The following ITSN2 variants were observed in gnomAD, a reference collection of about 807,000 sequenced individuals.
The protein encoded by ITSN2 is intersectin-2.
ITSN2 carries 156 observed loss-of-function variants against 243.7 expected under a neutral mutation model. The observed-to-expected ratio is 0.64, with a 90% CI of 0.56 to 0.73. ITSN2 has a LOEUF of 0.73. Ranked by LOEUF, ITSN2 falls within the 30% of genes least tolerant of loss-of-function variation. The pLI, the probability that ITSN2 is intolerant of heterozygous loss-of-function variation, is 0.00. For missense variants in ITSN2, 1,801 were observed against 1,996.1 expected (o/e 0.90, Z 1.86); for synonymous variants, 703 against 699.9 (o/e 1.00, Z -0.07).
chr2:24,301,127 A>G, intron 11 of ITSN2, 27 bp downstream of exon 11: 1 of 1,275,000 alleles, frequency 7.8e-7, no homozygotes, highest in Non-Finnish European at 1.1e-6. Context: ...CTCAGTATAA[A>G]TATACAACTT....
chr2:24,219,805 A>T (rs1049616923), intron 30 of ITSN2, among the ~76,000 whole-genome samples: 1 of 152,178 alleles, frequency 6.6e-6, no homozygotes, highest in Non-Finnish European at 1.5e-5. Flanking sequence ...AGCAGGGCTG[A>T]TCCTTGTAGG....
Position 24,310,304 on chromosome 2 carries a change from CAG to C in ITSN2, c.631_632del (p.Leu211AspfsTer2). On this transcript the variant is annotated frameshift_variant, in exon 7 of 40. Coordinates refer to ENST00000355123, the MANE Select transcript of ITSN2 (RefSeq NM_006277.3). LOFTEE classifies it high-confidence loss of function. ...GGASIQKAQS[L>X]IDLGSSSSTS... ...CATACCTACTAGATCCTAAATCAAT[CAG>C]AGACTGCGCTTTCTGTATACTAGCA... is the stretch of plus-strand genomic sequence containing the variant. 1.2e-6 allele frequency: 2 copies of C among 1,613,126 alleles called. No individual in the cohort carries two copies. Among genetic ancestry groups the C allele is most frequent in the Non-Finnish European group, 1.7e-6 (2 of 1,179,410 alleles).
At chr2:24,343,384 T>C (rs1574383108) in intron 1 of ITSN2, among the ~76,000 whole-genome samples, 1 of 152,172 alleles carries the variant, frequency 6.6e-6, no homozygotes, top group East Asian at 1.9e-4. Flanking sequence ...TTCTGCTTTT[T>C]TCATGTTACC....
intron 29 of ITSN2, among the ~76,000 whole-genome samples, chr2:24,223,026 C>T (rs999858071): frequency 2.6e-5 from 4 of 152,068 alleles, no homozygotes; most frequent in East Asian, 1.9e-4. Flanking sequence ...TCTCCCTCTC[C>T]GTTATTTAGG....
At chr2:24,301,054 C>A in intron 11 of ITSN2, 100 bp downstream of exon 11, 3 of 653,934 alleles carry the variant, frequency 4.6e-6, no homozygotes. Flanking sequence ...TATAGCACAT[C>A]AAATATTAAA....
At chr2:24,281,245 G>A (rs189226206) in intron 17 of ITSN2, among the ~76,000 whole-genome samples, 2 of 152,250 alleles carry the variant, frequency 1.3e-5, no homozygotes, top group African/African-American at 4.8e-5. Flanking sequence ...GGCCAGGCTG[G>A]TCTCAAACTA....
intron 5 of ITSN2, among the ~76,000 whole-genome samples, chr2:24,311,058 C>CTAA (rs1299599886): frequency 6.7e-6 from 1 of 148,504 alleles, no homozygotes; most frequent in African/African-American, 2.6e-5. Flanking sequence ...AGTTACTTGA[C>CTAA]TAATACACAC....
chr2:24,218,007 G>GA lies in ITSN2; in HGVS notation c.3705dup (p.Gln1236SerfsTer12). ...AAGCCTGACTCTGCCATGCGTTTCT[G>GA]AAAAACCTAAAGTCAAAACATAGAA... On this transcript the variant is annotated frameshift_variant, in exon 31 of 40. Coordinates refer to ENST00000355123, the MANE Select transcript of ITSN2 (RefSeq NM_006277.3). LOFTEE classifies it high-confidence loss of function. 2 of 1,612,940 alleles carry GA rather than the reference G, an allele frequency of 1.2e-6. No individual in the cohort carries two copies. The highest frequency in any genetic ancestry group is 2.7e-5 in the African/African-American group (2 of 75,034).
rs1214368754 is a variant in ITSN2 at position 24,312,388 on chromosome 2, T to C, written c.189-13A>G. 1 of 1,589,850 alleles carries C rather than the reference T, an allele frequency of 6.3e-7. No homozygotes were observed. Among genetic ancestry groups the C allele is most frequent in the East Asian group, 2.3e-5 (1 of 44,312 alleles). The stretch of plus-strand genomic sequence containing the variant: ...GTCTGATAAAGCCCTAAAAGGAGCA[T>C]GAGGTAGGTAGATTGCTATGTGGTG... On this transcript the variant is annotated splice_polypyrimidine_tract_variant and intron_variant, in intron 4 of 39. Coordinates refer to ENST00000355123, the MANE Select transcript of ITSN2 (RefSeq NM_006277.3).
At chr2:24,260,738 T>TC (rs1300675023) in intron 22 of ITSN2, among the ~76,000 whole-genome samples, 1 of 151,678 alleles carries the variant, frequency 6.6e-6, no homozygotes, top group East Asian at 1.9e-4. Flanking sequence ...TGAAACCCCG[T>TC]CTCTACTAAA....
intron 31 of ITSN2, among the ~76,000 whole-genome samples, chr2:24,216,581 C>T (rs1346702036): frequency 1.3e-5 from 2 of 152,024 alleles, no homozygotes; most frequent in African/African-American, 2.4e-5. Context: ...CATAGTGAGA[C>T]CCTGTCTCTA....
chr2:24,279,677 T>C (rs1020055553), intron 17 of ITSN2, among the ~76,000 whole-genome samples: 1 of 151,438 alleles, frequency 6.6e-6, no homozygotes, highest in Non-Finnish European at 1.5e-5. Flanking sequence ...TTTAGATTCC[T>C]AGGCCAGGAG....
At chr2:24,339,885 G>A (rs1368995396) in intron 1 of ITSN2, among the ~76,000 whole-genome samples, 3 of 152,038 alleles carry the variant, frequency 2.0e-5, no homozygotes, top group African/African-American at 7.2e-5. Context: ...AACTTAGTTG[G>A]GCATGGTGGC....
In ITSN2 at chr2:24,211,091, C is replaced by A. The variant is rs768568571; in HGVS notation, c.4090-144G>T. ...CGGCGGTGAACAAGACGACACTTTC[C>A]GCCCTTGAGAAACTCGTACTCCCAC... On this transcript the variant is annotated intron_variant, in intron 33 of 39. Transcript: ENST00000355123. The surrounding 1 kb of genome is among the most constrained non-coding windows in gnomAD (Gnocchi z 4.1). 6 of 716,210 alleles carry A rather than the reference C, an allele frequency of 8.4e-6. No homozygotes were observed. Among genetic ancestry groups the A allele is most frequent in the Non-Finnish European group, 1.2e-5 (5 of 433,888 alleles). 44.4% of individuals were successfully genotyped at this position (716,210 alleles called of 1,614,324 possible). A position where few individuals can be genotyped will look rare whatever the true frequency, so the allele number is the denominator to read the frequency against.
rs762924531 is a variant in ITSN2 at position 24,210,813 on chromosome 2, G to A, written c.4224C>T (p.Ile1408=). 1 of 1,614,056 alleles carries A rather than the reference G, an allele frequency of 6.2e-7. No homozygotes were observed. The highest frequency in any genetic ancestry group is 2.2e-5 in the East Asian group (1 of 44,852). The stretch of plus-strand genomic sequence containing the variant: ...GGCCTTCACACTGCACGTGCGCCTG[G>A]ATCCACTCCAGTCGGTCCGAGTTTT... ...EKENSDRLEW[I]QAHVQCEGLA... The change falls in exon 34 of 40, where the codon ATC becomes ATT. Residue 1408 remains isoleucine (I), a synonymous_variant. Coordinates refer to ENST00000355123, the MANE Select transcript of ITSN2 (RefSeq NM_006277.3).
At chr2:24,329,248 C>T (rs1685506427) in intron 1 of ITSN2, among the ~76,000 whole-genome samples, 1 of 6,446 alleles carries the variant, frequency 1.6e-4, no homozygotes, top group East Asian at 0.01. Context: ...TTTTGTGGGT[C>T]TGTTTTTTTT....
chr2:24,334,250 G>T (rs1454602145), intron 1 of ITSN2, among the ~76,000 whole-genome samples: 1 of 152,054 alleles, frequency 6.6e-6, no homozygotes, highest in African/African-American at 2.4e-5. Context: ...GTAGAGAGGA[G>T]GTTTCGCCAT....
intron 20 of ITSN2, among the ~76,000 whole-genome samples, chr2:24,262,738 A>G (rs1676069802): frequency 6.6e-6 from 1 of 152,224 alleles, no homozygotes; most frequent in South Asian, 2.1e-4. Flanking sequence ...CAACATGCCT[A>G]TACTTTCAAC....
At chr2:24,318,103 G>A (rs962586462) in intron 2 of ITSN2, among the ~76,000 whole-genome samples, 4 of 151,996 alleles carry the variant, frequency 2.6e-5, no homozygotes, top group Non-Finnish European at 1.5e-5. Context: ...ATCAGCCCAC[G>A]ATGCCCACAC....
Sources: allele counts gnomAD v4.1 joint callset (sites outside exome capture counted in the v4.1 genomes callset), GRCh38; gene constraint gnomAD v4.1.1; non-coding constraint Gnocchi (gnomAD v3.1); transcripts MANE v1.5; gene names NCBI Gene and HGNC (gene_info 2026-07-23, HGNC 2026-07-21).